The following TRRAP variants were observed in gnomAD, a reference collection of about 807,000 sequenced individuals.
TRRAP encodes the protein transformation/transcription domain-associated protein.
A neutral mutation model predicts 438.8 loss-of-function variants in TRRAP; 41 were observed. The observed-to-expected ratio is 0.09, with a 90% CI of 0.07 to 0.12. The LOEUF is 0.12. Ranked by LOEUF, TRRAP falls within the 10% of genes least tolerant of loss-of-function variation. TRRAP has a pLI of 1.00. For missense variants in TRRAP, 3,122 were observed against 5,055.1 expected (o/e 0.62, Z 11.60); for synonymous variants, 1,994 against 1,962.9 (o/e 1.02, Z -0.42).
Position 98,893,841 on chromosome 7 carries a change from T to C in TRRAP, c.410T>C (p.Ile137Thr), listed in dbSNP as rs1796080770. 1 of 1,613,776 alleles carries C rather than the reference T, an allele frequency of 6.2e-7. No homozygotes were observed. Among genetic ancestry groups the C allele is most frequent in the Non-Finnish European group, 8.5e-7 (1 of 1,179,978 alleles). The change falls in exon 6 of 73, where the codon ATT becomes ACT. Residue 137 changes from isoleucine to threonine, a missense_variant. Transcript: ENST00000456197. The part of the protein sequence containing the change: ...ENVLICLRII[I>T]ELHKQFRPPI... ...GTTCTTATTTGTCTAAGAATAATTA[T>C]TGAGCTACACAAACAGTTCAGGCCA...
At chr7:98,924,448 G>C (rs2116480392) in intron 21 of TRRAP, among the ~76,000 whole-genome samples, 1 of 152,282 alleles carries the variant, frequency 6.6e-6, no homozygotes, top group African/African-American at 2.4e-5. Context: ...TAAGGCGCCT[G>C]TCTAGAAATG....
At chr7:98,909,867 G>A (rs76176815) in intron 14 of TRRAP, among the ~76,000 whole-genome samples, 189 bp from the exon 15 acceptor site, 2,270 of 152,274 alleles carry the variant, frequency 0.015, 27 homozygotes, top group Non-Finnish European at 0.022. Flanking sequence ...GGGTTGGTGC[G>A]AAAGTAACTG....
chr7:98,988,038 TA>T (rs1308161562), intron 62 of TRRAP, among the ~76,000 whole-genome samples: 1 of 152,236 alleles, frequency 6.6e-6, no homozygotes, highest in African/African-American at 2.4e-5. Flanking sequence ...ATTGCTGGGA[TA>T]AATCCCACTT....
chr7:98,999,025 A>C (rs994385601), intron 67 of TRRAP: 62 of 760,028 alleles, frequency 8.2e-5, no homozygotes, highest in Non-Finnish European at 1.2e-4. Context: ...CACATCTGCC[A>C]CCAGCTCCAA....
At chr7:98,898,878 A>G (rs1181541496) in intron 8 of TRRAP, among the ~76,000 whole-genome samples, 1 of 152,210 alleles carries the variant, frequency 6.6e-6, no homozygotes, top group Admixed American at 6.5e-5. Context: ...TTTACAAATG[A>G]TTATGTAGAA....
At chr7:99,004,868 T>C (rs1235694472) in intron 68 of TRRAP, among the ~76,000 whole-genome samples, 3 of 152,210 alleles carry the variant, frequency 2.0e-5, no homozygotes, top group African/African-American at 7.2e-5. Flanking sequence ...GTCCAGAGTT[T>C]AGTTGCCCTT....
chr7:98,937,287 T>C lies in TRRAP; in HGVS notation c.4233+10T>C, dbSNP rs1432053363. 1.2e-6 allele frequency: 2 copies of C among 1,607,874 alleles called. No individual in the cohort carries two copies. Among genetic ancestry groups the C allele is most frequent in the East Asian group, 2.2e-5 (1 of 44,774 alleles). ...AGCCTGTATGAGAAAGGTGAGTGTG[T>C]GTGCGTGCGTGTATGCGCACGCGTG... On this transcript the variant is annotated intron_variant, in intron 29 of 72. Transcript: ENST00000456197.
Position 98,925,145 on chromosome 7 carries a change from G to A in TRRAP, c.2857G>A (p.Ala953Thr), listed in dbSNP as rs557385921. 1.9e-6 allele frequency: 3 copies of A among 1,614,158 alleles called. No individual in the cohort carries two copies. The highest frequency in any genetic ancestry group is 2.5e-6 in the Non-Finnish European group (3 of 1,180,010). ...AACTGCTCTGGACTGCCTGAAAAGC[G>A]CCAACACTGAGCCCTACTACCGGAG... ...IETALDCLKS[A>T]NTEPYYRRQA... Residue 953 changes from alanine to threonine, a missense_variant, in exon 22 of 73, where the codon GCC becomes ACC. By Grantham distance (58) the Ala-to-Thr change is moderately conservative (BLOSUM62 0). Around this residue, in one of 24 missense-constraint regions of TRRAP, gnomAD observed 133 missense variants for 188.6 expected, o/e 0.71. Coordinates refer to ENST00000456197, the MANE Select transcript of TRRAP (RefSeq NM_001375524.1).
At chr7:98,920,563 T>C (rs1387890918) in intron 20 of TRRAP, among the ~76,000 whole-genome samples, 3 of 151,950 alleles carry the variant, frequency 2.0e-5, no homozygotes, top group African/African-American at 4.8e-5. Context: ...TGGGGGGAAA[T>C]TTACAGTTTT....
chr7:98,945,621 C>A, intron 31 of TRRAP, 126 bp from the exon 32 acceptor site: 1 of 1,090,328 alleles, frequency 9.2e-7, no homozygotes, highest in Non-Finnish European at 1.3e-6. Context: ...TTACTGTGTG[C>A]TTTCTGATAA....
At chr7:98,898,226 C>G (rs1584281731) in intron 8 of TRRAP, among the ~76,000 whole-genome samples, 2 of 152,200 alleles carry the variant, frequency 1.3e-5, no homozygotes, top group South Asian at 2.1e-4. Context: ...AGTGTGGGCT[C>G]TAGGACAGAG....
intron 67 of TRRAP, among the ~76,000 whole-genome samples, chr7:98,995,921 G>T (rs182939774): frequency 1.5e-4 from 20 of 136,088 alleles, no homozygotes; most frequent in African/African-American, 5.8e-4. Context: ...TCCCATCCTC[G>T]CATCCCCATC....
At chr7:98,922,002 A>C (rs201094044) in intron 21 of TRRAP, 49 bp downstream of exon 21, 38 of 1,610,398 alleles carry the variant, frequency 2.4e-5, no homozygotes, top group Non-Finnish European at 2.8e-5. Context: ...TGAAGATACT[A>C]TGTTTCAGTC....
In TRRAP at chr7:99,005,021, C is replaced by A; in HGVS notation, c.10536-110C>A. On this transcript the variant is annotated intron_variant, in intron 68 of 72. Transcript: ENST00000456197. This position sits in a 1 kb window ranked among gnomAD's most constrained non-coding sequence, Gnocchi z 5.1. ...AAATAAATTGATAAACGACCGCTGG[C>A]CTACACAGTCCGTTTTCCCGTGACA... is the stretch of plus-strand genomic sequence containing the variant. The A allele has an allele frequency of 9.4e-7, 1 of 1,059,884 alleles. No homozygotes were observed. Among genetic ancestry groups the A allele is most frequent in the Non-Finnish European group, 1.4e-6 (1 of 701,324 alleles). 65.7% of individuals were successfully genotyped at this position (1,059,884 alleles called of 1,614,324 possible). A position where few individuals can be genotyped will look rare whatever the true frequency, so the allele number is the denominator to read the frequency against.
rs749587948 is a variant in TRRAP at position 98,962,167 on chromosome 7, A to G, written c.6704-135A>G. 21 of 1,353,878 alleles carry G rather than the reference A, an allele frequency of 1.6e-5. No individual in the cohort carries two copies. In the East Asian group the frequency reaches 1.8e-4, roughly 12 times the overall value. The allele number at this position is 1,353,878 out of a possible 1,614,324, so 83.9% of individuals were successfully genotyped here. On this transcript the variant is annotated intron_variant, in intron 46 of 72. Transcript: ENST00000456197. ...GGGAACCAGCCCAGAGGTGAGGCCCACACTGTCCTGCAGGGAGAGAAGTGC... is the reference window on the plus strand; with the variant it reads ...GGGAACCAGCCCAGAGGTGAGGCCCGCACTGTCCTGCAGGGAGAGAAGTGC...
chr7:98,967,238 T>C, intron 50 of TRRAP, 76 bp downstream of exon 50: 1 of 1,534,862 alleles, frequency 6.5e-7, no homozygotes, highest in Non-Finnish European at 8.8e-7. Flanking sequence ...CATGCAGCCA[T>C]GATTTTAATC....
At chr7:99,009,880 C>CTTTTTTT (rs138174570) in intron 70 of TRRAP, among the ~76,000 whole-genome samples, 1 of 96,696 alleles carries the variant, frequency 1.0e-5, no homozygotes, top group Non-Finnish European at 1.9e-5. Context: ...TCATTCTTCT[C>CTTTTTTT]TTTTTTTTTT....
At chr7:98,903,836 G>A (rs191281628) in intron 12 of TRRAP, among the ~76,000 whole-genome samples, 5 of 152,248 alleles carry the variant, frequency 3.3e-5, no homozygotes, top group African/African-American at 4.8e-5. Context: ...CACATCTTAC[G>A]TGGATGGTGG....
At chr7:99,007,202 A>G (rs1478462039) in intron 69 of TRRAP, among the ~76,000 whole-genome samples, 2 of 152,208 alleles carry the variant, frequency 1.3e-5, no homozygotes, top group Non-Finnish European at 2.9e-5. Context: ...TTCCTCCTCC[A>G]AAGATGGGGC....
Sources: gnomAD v4.1 joint callset for allele counts (sites outside exome capture counted in the v4.1 genomes callset) on GRCh38, gnomAD v4.1.1 for gene constraint, gnomAD v4.1.1 regional missense constraint, Gnocchi (gnomAD v3.1) non-coding constraint, MANE v1.5 for transcripts, NCBI Gene and HGNC (gene_info 2026-07-23, HGNC 2026-07-21) for gene names.